SPPL2A: variants seen among roughly 807,000 people sequenced by gnomAD.
SPPL2A encodes the protein signal peptide peptidase-like 2A.
SPPL2A carries 51 observed loss-of-function variants against 63.8 expected under a neutral mutation model. The ratio of observed to expected loss-of-function variants is 0.80; its 90% CI spans 0.64 to 1.01. The LOEUF is 1.01. Among genes scored for constraint, SPPL2A ranks in the 50% least tolerant of loss-of-function variants. The pLI, the probability that SPPL2A is intolerant of heterozygous loss-of-function variation, is 0.00. For synonymous variants in SPPL2A, 188 were observed against 205.8 expected, an observed-to-expected ratio of 0.91 and a Z score of 0.74; for missense variants, 553 against 622.7, an observed-to-expected ratio of 0.89 and a Z score of 1.19.
At position 50,765,586 on chromosome 15, in the gene SPPL2A, G is replaced by A; in HGVS notation, c.-53C>T. 2 of 1,259,908 alleles carry A rather than the reference G, an allele frequency of 1.6e-6. No individual in the cohort carries two copies. The highest frequency in any genetic ancestry group is 1.9e-5 in the South Asian group (1 of 52,712). 78.0% of individuals were successfully genotyped at this position (1,259,908 alleles called of 1,614,324 possible). A position where few individuals can be genotyped will look rare whatever the true frequency, so the allele number is the denominator to read the frequency against. Reference sequence around the variant, plus strand: ...CACGGTGCGGCGCAGCTCACTCGGCGGGGTAGGCTCGGAGTCCCGCCGCTG... The same window carrying A: ...CACGGTGCGGCGCAGCTCACTCGGCAGGGTAGGCTCGGAGTCCCGCCGCTG... On this transcript the variant is annotated 5_prime_UTR_variant, in exon 1 of 15. Coordinates refer to ENST00000261854, the MANE Select transcript of SPPL2A (RefSeq NM_032802.4).
chr15:50,719,077 G>GA (rs949328688), intron 14 of SPPL2A, among the ~76,000 whole-genome samples: 1 of 151,228 alleles, frequency 6.6e-6, no homozygotes, highest in Non-Finnish European at 1.5e-5. Flanking sequence ...CATTTAGGGG[G>GA]AAAAAAAAGA....
At chr15:50,753,713 TG>T (rs1307955311) in intron 1 of SPPL2A, among the ~76,000 whole-genome samples, 1 of 152,194 alleles carries the variant, frequency 6.6e-6, no homozygotes, top group Non-Finnish European at 1.5e-5. Flanking sequence ...AAAAGATTAA[TG>T]GTTGGAAGAT....
chr15:50,715,752 T>C (rs527392430), intron 14 of SPPL2A, among the ~76,000 whole-genome samples: 1 of 152,320 alleles, frequency 6.6e-6, no homozygotes, highest in South Asian at 2.1e-4. Flanking sequence ...AGTAAAGGTC[T>C]ATGTAAAAAT....
chr15:50,754,608 G>C (rs1195016224), intron 1 of SPPL2A, among the ~76,000 whole-genome samples: 1 of 152,188 alleles, frequency 6.6e-6, no homozygotes, highest in Non-Finnish European at 1.5e-5. Flanking sequence ...TCTTACTGGG[G>C]AGATTAAAAG....
chr15:50,764,945 T>C (rs1385870421), intron 1 of SPPL2A, among the ~76,000 whole-genome samples: 1 of 149,048 alleles, frequency 6.7e-6, no homozygotes, highest in Non-Finnish European at 1.5e-5. Context: ...CAGAATCAAA[T>C]GAGCCCTAAG....
At position 50,707,348 on chromosome 15, in the gene SPPL2A, ACCTCGTGATCCGCCCGCCTTGGCCT is replaced by A. The variant is rs2062517614; in HGVS notation, c.*427_*451del. Reference sequence around the variant, plus strand: ...TAGCCAGGATGGTCTCGATCTCCTGACCTCGTGATCCGCCCGCCTTGGCCTCCCAAAGTGTTGGGATTACAGGCGT... The same window carrying A: ...TAGCCAGGATGGTCTCGATCTCCTGACCCAAAGTGTTGGGATTACAGGCGT... On this transcript the variant is annotated 3_prime_UTR_variant, in exon 15 of 15. Transcript: ENST00000261854. 6.5e-6 allele frequency: 1 copy of A among 152,884 alleles called. No homozygotes were observed. Among genetic ancestry groups the A allele is most frequent in the African/African-American group, 2.4e-5 (1 of 41,422 alleles). 9.5% of individuals were successfully genotyped at this position (152,884 alleles called of 1,614,324 possible).
At chr15:50,741,615 A>T (rs1004411676) in intron 5 of SPPL2A, among the ~76,000 whole-genome samples, 1 of 152,204 alleles carries the variant, frequency 6.6e-6, no homozygotes, top group Non-Finnish European at 1.5e-5. Flanking sequence ...TAAACTAAAA[A>T]GCACAGGCAA....
intron 9 of SPPL2A, among the ~76,000 whole-genome samples, chr15:50,731,403 G>A (rs543314939): frequency 2.1e-4 from 32 of 151,948 alleles, no homozygotes; most frequent in African/African-American, 6.3e-4. Flanking sequence ...AAAATTAGCC[G>A]GGCATGGTGG....
intron 8 of SPPL2A, among the ~76,000 whole-genome samples, chr15:50,734,364 A>C (rs2062753625): frequency 6.6e-6 from 1 of 152,226 alleles, no homozygotes; most frequent in Non-Finnish European, 1.5e-5. Flanking sequence ...ATTTGCAAAG[A>C]CATGGATGGA....
rs2062482681 is a variant in SPPL2A at position 50,702,308 on chromosome 15, A to G, written c.*5492T>C. 1 of 152,194 alleles carries G rather than the reference A, an allele frequency of 6.6e-6. No homozygotes were observed. Among genetic ancestry groups the G allele is most frequent in the African/African-American group, 2.4e-5 (1 of 41,466 alleles). The allele number at this position is 152,194 out of a possible 1,614,324, so 9.4% of individuals were successfully genotyped here. On this transcript the variant is annotated 3_prime_UTR_variant, in exon 15 of 15. Coordinates refer to ENST00000261854, the MANE Select transcript of SPPL2A (RefSeq NM_032802.4). Reference sequence around the variant, plus strand: ...ATTTATTGAATACCATAGTATATTAAATACATAAAAAATTGTTTTTCTTGT... The same window carrying G: ...ATTTATTGAATACCATAGTATATTAGATACATAAAAAATTGTTTTTCTTGT...
intron 14 of SPPL2A, among the ~76,000 whole-genome samples, chr15:50,709,996 T>G (rs1387574642): frequency 6.6e-6 from 1 of 152,004 alleles, no homozygotes; most frequent in Non-Finnish European, 1.5e-5. Flanking sequence ...AAACATAAGA[T>G]GAAGATGTTG....
chr15:50,716,604 T>C (rs928718866), intron 14 of SPPL2A, among the ~76,000 whole-genome samples: 7 of 152,218 alleles, frequency 4.6e-5, no homozygotes, highest in African/African-American at 1.4e-4. Context: ...AGAAACATAA[T>C]TCTGTAAGAC....
chr15:50,735,779 G>A (rs964499348), intron 8 of SPPL2A, among the ~76,000 whole-genome samples: 3 of 152,208 alleles, frequency 2.0e-5, no homozygotes, highest in East Asian at 3.9e-4. Context: ...GTTTCTCCAT[G>A]TTGGTCAGGC....
chr15:50,759,960 G>A (rs2062995234), intron 1 of SPPL2A, among the ~76,000 whole-genome samples: 1 of 152,104 alleles, frequency 6.6e-6, no homozygotes, highest in Admixed American at 6.6e-5. Context: ...ACTTAGAAAG[G>A]AGCCAATGGG....
intron 7 of SPPL2A, 93 bp from the exon 8 acceptor site, chr15:50,736,295 G>A (rs971361834): frequency 1.3e-5 from 10 of 741,998 alleles, no homozygotes; most frequent in Middle Eastern, 4.9e-4. Context: ...GTCATAAGAA[G>A]TGACTGAAAT....
chr15:50,761,123 C>G (rs1416355168), intron 1 of SPPL2A, among the ~76,000 whole-genome samples: 2 of 152,104 alleles, frequency 1.3e-5, no homozygotes. Context: ...GGTCCTCCTA[C>G]CTCAGCCTCC....
At chr15:50,740,352 G>A (rs1055118628) in intron 5 of SPPL2A, among the ~76,000 whole-genome samples, 2 of 150,182 alleles carry the variant, frequency 1.3e-5, no homozygotes, top group African/African-American at 2.5e-5. Context: ...GCTTGAACCC[G>A]GGAGGCGGAG....
chr15:50,720,433 A>C (rs9920162), intron 13 of SPPL2A, among the ~76,000 whole-genome samples: 37,514 of 151,724 alleles, frequency 0.25, 5,593 homozygotes, highest in East Asian at 0.54. Context: ...CCAATAGGTA[A>C]TATAAGTTGT....
At position 50,706,805 on chromosome 15, in the gene SPPL2A, T is replaced by G. The variant is rs986778502; in HGVS notation, c.*995A>C. The G allele has an allele frequency of 5.3e-5, 8 of 149,616 alleles. No individual in the cohort carries two copies. The highest frequency in any genetic ancestry group is 1.9e-4 in the African/African-American group (8 of 41,090). The allele number at this position is 149,616 out of a possible 1,614,324, so 9.3% of individuals were successfully genotyped here. On this transcript the variant is annotated 3_prime_UTR_variant, in exon 15 of 15. Transcript: ENST00000261854. ...GTTAGTACTGAAATTTAAGCTACAT[T>G]TAAAAAAAAAAGGCTGTCAAACCAA...
Sources: allele counts gnomAD v4.1 joint callset (sites outside exome capture counted in the v4.1 genomes callset), GRCh38; gene constraint gnomAD v4.1.1; transcripts MANE v1.5; gene names NCBI Gene and HGNC (gene_info 2026-07-23, HGNC 2026-07-21).